The following CNTN4 variants were observed in gnomAD, a reference collection of about 807,000 sequenced individuals.
CNTN4 encodes contactin 4, also known as contactin-4.
Under a neutral mutation model 122.5 loss-of-function variants are expected in CNTN4, and 77 were observed. The observed-to-expected ratio is 0.63, with a 90% confidence interval of 0.52 to 0.76. The LOEUF is 0.76. Ranked by LOEUF, CNTN4 falls within the 30% of genes least tolerant of loss-of-function variation. The pLI is 0.00. For missense variants in CNTN4, 1,256 were observed against 1,259.1 expected (o/e 1.00, Z 0.04); for synonymous variants, 512 against 447.0 (o/e 1.15, Z -1.83).
chr3:2,876,312 T>C (rs2093844244), intron 8 of CNTN4, among the ~76,000 whole-genome samples: 1 of 152,208 alleles, frequency 6.6e-6, no homozygotes, highest in African/African-American at 2.4e-5. Flanking sequence ...GGGGAAAACA[T>C]GCCTTTTTTC....
At chr3:2,934,290 T>C (rs1451750055) in intron 13 of CNTN4, among the ~76,000 whole-genome samples, 1 of 152,188 alleles carries the variant, frequency 6.6e-6, no homozygotes, top group Non-Finnish European at 1.5e-5. Context: ...TCTGTGAAAA[T>C]ATCCAACTGA....
At chr3:2,373,924 A>G (rs903977528) in intron 3 of CNTN4, among the ~76,000 whole-genome samples, 85 of 152,284 alleles carry the variant, frequency 5.6e-4, no homozygotes, top group African/African-American at 1.8e-3. Context: ...TAAACTTTTT[A>G]TGGTTAATTT....
chr3:2,516,873 A>G (rs1006912922), intron 3 of CNTN4, among the ~76,000 whole-genome samples: 3 of 152,162 alleles, frequency 2.0e-5, no homozygotes, highest in African/African-American at 4.8e-5. Flanking sequence ...AATGCTTGCC[A>G]GAAGGAAACC....
chr3:2,350,560 C>A (rs1336242652), intron 3 of CNTN4, among the ~76,000 whole-genome samples: 2 of 123,336 alleles, frequency 1.6e-5, no homozygotes, highest in Non-Finnish European at 3.6e-5. Flanking sequence ...AATTAGTATA[C>A]TTAAATAAAG....
intron 8 of CNTN4, among the ~76,000 whole-genome samples, chr3:2,879,248 G>T (rs886799861): frequency 3.3e-5 from 5 of 152,150 alleles, no homozygotes; most frequent in African/African-American, 1.2e-4. Context: ...GGACTGACAT[G>T]ACTATAAGCC....
At chr3:2,386,827 T>C (rs2046273149) in intron 3 of CNTN4, among the ~76,000 whole-genome samples, 1 of 152,202 alleles carries the variant, frequency 6.6e-6, no homozygotes, top group Non-Finnish European at 1.5e-5. Context: ...AATTGAGAAA[T>C]GCAAAAATTT....
In CNTN4 at chr3:2,257,302, A is replaced by C. The variant is rs577530636; in HGVS notation, c.-144-81876A>C. Among the ~76,000 whole-genome samples, 16 of 152,372 alleles carry C rather than the reference A, an allele frequency of 1.1e-4. No homozygotes were observed. In the East Asian group the frequency reaches 2.9e-3, roughly 28 times the overall value. On this transcript the variant is annotated intron_variant, in intron 2 of 24. Coordinates refer to ENST00000418658, the MANE Select transcript of CNTN4 (RefSeq NM_175607.3). ...CAAAAATTAACTCAAGCTGGATTAA[A>C]CACTTAAACCTAAGACCTAAAACCA... is the stretch of plus-strand genomic sequence containing the variant.
At chr3:2,343,960 A>T (rs1319352192) in intron 3 of CNTN4, among the ~76,000 whole-genome samples, 1 of 152,156 alleles carries the variant, frequency 6.6e-6, no homozygotes, top group Non-Finnish European at 1.5e-5. Context: ...CCACAAGGTC[A>T]GAGAGGGAGC....
intron 4 of CNTN4, among the ~76,000 whole-genome samples, chr3:2,704,796 T>C (rs1363622136): frequency 6.6e-6 from 1 of 152,196 alleles, no homozygotes; most frequent in Non-Finnish European, 1.5e-5. Context: ...CTTTAAGATG[T>C]AATGTATCTT....
intron 3 of CNTN4, among the ~76,000 whole-genome samples, chr3:2,397,429 A>T (rs1204461051): frequency 2.6e-5 from 4 of 152,026 alleles, no homozygotes; most frequent in East Asian, 1.9e-4. Flanking sequence ...TGAAGAAAAA[A>T]ATTTATAAGC....
intron 4 of CNTN4, among the ~76,000 whole-genome samples, chr3:2,621,571 A>C (rs911250805): frequency 1.8e-4 from 28 of 152,038 alleles, no homozygotes; most frequent in South Asian, 2.1e-4. Flanking sequence ...GGGTGCAGCA[A>C]ACCACCATGG....
chr3:2,488,796 G>A (rs2076234237), intron 3 of CNTN4, among the ~76,000 whole-genome samples: 1 of 152,136 alleles, frequency 6.6e-6, no homozygotes, highest in African/African-American at 2.4e-5. Context: ...CAACGGAAAT[G>A]CATAAACTTC....
intron 2 of CNTN4, among the ~76,000 whole-genome samples, chr3:2,197,461 G>T (rs139389690): frequency 2.0e-5 from 3 of 152,198 alleles, no homozygotes; most frequent in Non-Finnish European, 4.4e-5. Flanking sequence ...ATAGTTCAGT[G>T]CCTTAATGCA....
chr3:2,736,151 T>C (rs767776532), intron 4 of CNTN4, 64 bp from the exon 5 acceptor site: 22 of 1,498,568 alleles, frequency 1.5e-5, no homozygotes, highest in Non-Finnish European at 1.9e-5. Context: ...ATGTTGTTGT[T>C]TCCTGTTGTT....
At chr3:2,310,729 A>G (rs1470272060) in intron 2 of CNTN4, among the ~76,000 whole-genome samples, 1 of 152,088 alleles carries the variant, frequency 6.6e-6, no homozygotes, top group Non-Finnish European at 1.5e-5. Flanking sequence ...TACCATGATT[A>G]TCTGTGTATA....
At chr3:2,786,958 T>C (rs2091854323) in intron 6 of CNTN4, among the ~76,000 whole-genome samples, 1 of 152,236 alleles carries the variant, frequency 6.6e-6, no homozygotes, top group Non-Finnish European at 1.5e-5. Flanking sequence ...ATTTTTTATT[T>C]GAACTATTGT....
intron 2 of CNTN4, among the ~76,000 whole-genome samples, chr3:2,266,771 C>G (rs1394155783): frequency 6.6e-6 from 1 of 152,096 alleles, no homozygotes; most frequent in Non-Finnish European, 1.5e-5. Flanking sequence ...AGAAGGATCT[C>G]TGAAGAGTTC....
intron 3 of CNTN4, among the ~76,000 whole-genome samples, chr3:2,377,925 G>T (rs1259364795): frequency 6.6e-6 from 1 of 152,098 alleles, no homozygotes; most frequent in African/African-American, 2.4e-5. Flanking sequence ...AAATACCAAT[G>T]TAAAGATTTA....
chr3:2,284,953 T>G (rs2041849719), intron 2 of CNTN4, among the ~76,000 whole-genome samples: 1 of 151,936 alleles, frequency 6.6e-6, no homozygotes, highest in Non-Finnish European at 1.5e-5. Flanking sequence ...AGTTGTTATC[T>G]TAGGGTAGTG....
Sources: gnomAD v4.1 joint callset for allele counts (sites outside exome capture counted in the v4.1 genomes callset) on GRCh38, gnomAD v4.1.1 for gene constraint, MANE v1.5 for transcripts, NCBI Gene and HGNC (gene_info 2026-07-23, HGNC 2026-07-21) for gene names.